Variants in CDC42BPA observed in about 807,000 individuals in gnomAD.
CDC42BPA encodes the protein serine/threonine-protein kinase MRCK alpha.
A neutral mutation model predicts 223.5 loss-of-function variants in CDC42BPA; 80 were observed. The observed-to-expected ratio is 0.36, with a 90% CI of 0.30 to 0.43. The LOEUF (loss-of-function observed/expected upper bound fraction) is 0.43, where lower values mean the gene tolerates loss of function less well. Among genes scored for constraint, CDC42BPA ranks in the 20% least tolerant of loss-of-function variants. The pLI, the probability that CDC42BPA is intolerant of heterozygous loss-of-function variation, is 1.00. For synonymous variants in CDC42BPA, 694 were observed against 718.6 expected (o/e 0.97, Z 0.55); for missense variants, 1,743 against 2,099.9 (o/e 0.83, Z 3.32).
At chr1:227,220,973 G>A (rs1225270279) in intron 2 of CDC42BPA, among the ~76,000 whole-genome samples, 1 of 152,196 alleles carries the variant, frequency 6.6e-6, no homozygotes, top group South Asian at 2.1e-4. Flanking sequence ...TTTTGAAAGA[G>A]TAGTACATGC....
chr1:227,193,577 T>A (rs1021509850), intron 5 of CDC42BPA: 1 of 515,340 alleles, frequency 1.9e-6, no homozygotes, highest in Non-Finnish European at 3.4e-6. Flanking sequence ...TACATGTACA[T>A]GTATGTATAA....
intron 24 of CDC42BPA, among the ~76,000 whole-genome samples, chr1:227,038,410 G>C (rs1670738296): frequency 6.6e-6 from 1 of 152,172 alleles, no homozygotes; most frequent in African/African-American, 2.4e-5. Flanking sequence ...GAAATCAGCA[G>C]TTTACAAATG....
At chr1:227,246,066 G>T (rs150478717) in intron 2 of CDC42BPA, among the ~76,000 whole-genome samples, 1,576 of 152,252 alleles carry the variant, frequency 0.01, 31 homozygotes, top group African/African-American at 0.036. Flanking sequence ...CCAGAGGGGG[G>T]CCCACTGCCT....
chr1:227,046,285 T>C (rs1672433442), intron 23 of CDC42BPA, among the ~76,000 whole-genome samples: 1 of 152,070 alleles, frequency 6.6e-6, no homozygotes, highest in Admixed American at 6.5e-5. Flanking sequence ...GAGCCCCAAA[T>C]GACATTATCG....
chr1:227,019,496 G>A (rs905140956), intron 32 of CDC42BPA, among the ~76,000 whole-genome samples: 2 of 152,098 alleles, frequency 1.3e-5, no homozygotes, highest in Non-Finnish European at 2.9e-5. Flanking sequence ...CGTTCTTAAT[G>A]GCATCTAGAA....
intron 3 of CDC42BPA, among the ~76,000 whole-genome samples, chr1:227,211,024 T>G (rs1673782768): frequency 6.6e-6 from 1 of 152,138 alleles, no homozygotes; most frequent in Non-Finnish European, 1.5e-5. Flanking sequence ...CTCCCTCCCT[T>G]CCCTTCTACA....
At chr1:227,190,365 C>T (rs59136460) in intron 5 of CDC42BPA, among the ~76,000 whole-genome samples, 8,579 of 152,048 alleles carry the variant, frequency 0.056, 801 homozygotes, top group African/African-American at 0.19. Flanking sequence ...GGGGCAACGT[C>T]GATTTTAGAT....
chr1:227,102,296 ATT>A, intron 14 of CDC42BPA, among the ~76,000 whole-genome samples: 1 of 152,262 alleles, frequency 6.6e-6, no homozygotes, highest in East Asian at 1.9e-4. Flanking sequence ...AATATTAACC[ATT>A]TATCGAAAAA....
intron 1 of CDC42BPA, among the ~76,000 whole-genome samples, chr1:227,292,574 C>T (rs1346263267): frequency 6.6e-6 from 1 of 152,178 alleles, no homozygotes; most frequent in Non-Finnish European, 1.5e-5. Flanking sequence ...TTAGAAGATA[C>T]AGTGAAAATT....
intron 2 of CDC42BPA, among the ~76,000 whole-genome samples, chr1:227,230,820 C>CTTTTTTTTTTTTTTTTTTT (rs1198828997): frequency 2.2e-5 from 2 of 91,606 alleles, no homozygotes; most frequent in African/African-American, 8.7e-5. Context: ...TTCTTTCTTT[C>CTTTTTTTTTTTTTTTTTTT]TTTTTTTTTT....
At chr1:227,069,416 T>C (rs1443179529) in intron 21 of CDC42BPA, 2 of 160,736 alleles carry the variant, frequency 1.2e-5, no homozygotes, top group Admixed American at 6.4e-5. Context: ...ATTGTCAGCT[T>C]TGACATTTTC....
chr1:227,084,880 C>T (rs1223113320), intron 16 of CDC42BPA, among the ~76,000 whole-genome samples: 1 of 151,974 alleles, frequency 6.6e-6, no homozygotes, highest in African/African-American at 2.4e-5. Context: ...AGAGAAGAAC[C>T]CCCTCCCTAA....
intron 15 of CDC42BPA, among the ~76,000 whole-genome samples, chr1:227,096,160 CA>C (rs1475034532): frequency 1.3e-5 from 2 of 152,098 alleles, no homozygotes; most frequent in Non-Finnish European, 2.9e-5. Flanking sequence ...CCTCCATCTC[CA>C]AGCAAATTTG....
At chr1:227,029,991 G>A (rs564845325) in intron 29 of CDC42BPA, among the ~76,000 whole-genome samples, 4 of 152,094 alleles carry the variant, frequency 2.6e-5, no homozygotes, top group African/African-American at 4.8e-5. Flanking sequence ...AAAATTAGCC[G>A]GGCGTGGTGG....
chr1:227,308,850 A>G (rs1693023778), intron 1 of CDC42BPA, among the ~76,000 whole-genome samples: 1 of 152,138 alleles, frequency 6.6e-6, no homozygotes, highest in South Asian at 2.1e-4. Flanking sequence ...CAAATTAAAC[A>G]GAAGGTGTTT....
Position 226,992,022 on chromosome 1 carries a change from T to A in CDC42BPA, c.*2246A>T, listed in dbSNP as rs1443036367. ...GGAGAGGAGGGGAGGGTGGGGAGAG[T>A]GAGGAGGGTGGGGAGAGTGAGGAGG... is the stretch of plus-strand genomic sequence containing the variant. On this transcript the variant is annotated 3_prime_UTR_variant, in exon 37 of 37. Coordinates refer to ENST00000366766, the MANE Select transcript of CDC42BPA (RefSeq NM_001394014.1). The A allele has an allele frequency of 2.3e-4, 1 of 4,376 alleles. No individual in the cohort carries two copies. The highest frequency in any genetic ancestry group is 4.4e-4 in the Non-Finnish European group (1 of 2,256). 0.3% of individuals were successfully genotyped at this position (4,376 alleles called of 1,614,324 possible). A position where few individuals can be genotyped will look rare whatever the true frequency, so the allele number is the denominator to read the frequency against.
chr1:227,035,525 G>A lies in CDC42BPA; in HGVS notation c.3282C>T (p.Pro1094=). ...TTCCTTTCTGAGGATCTATACCCAG[G>A]GGACCTTTTGTCTGTTCAGGAGGAA... is the stretch of plus-strand genomic sequence containing the variant. ...CPVPPEQTKG[P]LGIDPQKGIG... The change falls in exon 25 of 37, where the codon CCC becomes CCT. Residue 1094 remains proline (P), a synonymous_variant. Transcript: ENST00000366766. 1 of 1,611,480 alleles carries A rather than the reference G, an allele frequency of 6.2e-7. No individual in the cohort carries two copies. Among genetic ancestry groups the A allele is most frequent in the South Asian group, 1.1e-5 (1 of 90,584 alleles).
At chr1:227,029,719 A>C (rs536379676) in intron 29 of CDC42BPA, among the ~76,000 whole-genome samples, 22 of 152,226 alleles carry the variant, frequency 1.4e-4, no homozygotes, top group Non-Finnish European at 3.2e-4. Flanking sequence ...CCCAGCATTT[A>C]GTTTTTCCCT....
chr1:227,060,406 G>T (rs751628907), intron 21 of CDC42BPA, among the ~76,000 whole-genome samples: 14 of 152,102 alleles, frequency 9.2e-5, no homozygotes, highest in Non-Finnish European at 1.8e-4. Context: ...CTCACAATAC[G>T]TTGGATACTA....
Sources: allele counts gnomAD v4.1 joint callset (sites outside exome capture counted in the v4.1 genomes callset), GRCh38; gene constraint gnomAD v4.1.1; transcripts MANE v1.5; gene names NCBI Gene and HGNC (gene_info 2026-07-23, HGNC 2026-07-21).